The following CORO2A variants were observed in gnomAD, a reference collection of about 807,000 sequenced individuals.
The protein encoded by CORO2A is coronin 2A, also known as coronin-2A.
In CORO2A, 47 loss-of-function variants were observed where a neutral mutation model predicts 62.4. The ratio of observed to expected loss-of-function variants is 0.75; its 90% CI spans 0.60 to 0.96. The LOEUF (loss-of-function observed/expected upper bound fraction) is 0.96, where lower values mean the gene tolerates loss of function less well. Ranked by LOEUF, CORO2A falls within the 40% of genes least tolerant of loss-of-function variation. The probability of loss-of-function intolerance (pLI) is 0.00; values close to 1 mark genes in which losing one functional copy is unlikely to be tolerated. For synonymous variants in CORO2A, 273 were observed against 268.9 expected (o/e 1.02, Z -0.15); for missense variants, 610 against 684.1 (o/e 0.89, Z 1.21).
rs777631086 is a variant in CORO2A, at chr9:98,157,624, G to T, written c.37C>A (p.Arg13Ser). 7.4e-6 allele frequency: 12 copies of T among 1,613,806 alleles called. No homozygotes were observed. The East Asian group carries it at 2.2e-4, about 30-fold the overall frequency. ...WHPQYRSSKF[R>S]HVFGKPASKE... ...CTGGCTGGTTTGCCAAAGACATGAC[G>T]GAACTTGGAGCTCCGGTACTGGGGG... Residue 13 changes from arginine (R) to serine (S), a missense_variant, in exon 2 of 12, where the codon CGT (arginine) becomes AGT (serine). Arg to Ser is a moderately radical substitution (Grantham distance 110). Transcript: ENST00000375077.
intron 5 of CORO2A, 80 bp from the exon 6 acceptor site, chr9:98,132,381 C>A: frequency 8.8e-7 from 1 of 1,136,876 alleles, no homozygotes; most frequent in Non-Finnish European, 1.3e-6. Flanking sequence ...CCCTGCTTTG[C>A]TTATGCCACC....
At chr9:98,125,796 C>T (rs1827308617) in intron 11 of CORO2A, among the ~76,000 whole-genome samples, 1 of 143,644 alleles carries the variant, frequency 7.0e-6, no homozygotes, top group South Asian at 2.3e-4. Context: ...TGGCTCACTG[C>T]AGCCTCTGCC....
intron 1 of CORO2A, among the ~76,000 whole-genome samples, chr9:98,170,170 C>T (rs548702101): frequency 6.6e-6 from 1 of 152,350 alleles, no homozygotes; most frequent in Admixed American, 6.5e-5. Flanking sequence ...CCCCTCGTCT[C>T]CTTTCCTGCC....
chr9:98,158,545 G>T (rs1355764058), intron 1 of CORO2A, among the ~76,000 whole-genome samples: 2 of 152,120 alleles, frequency 1.3e-5, no homozygotes, highest in Admixed American at 1.3e-4. Flanking sequence ...GAAACAGTAG[G>T]CCTGAGCCCA....
At chr9:98,171,436 T>C (rs1445851449) in intron 1 of CORO2A, among the ~76,000 whole-genome samples, 1 of 152,174 alleles carries the variant, frequency 6.6e-6, no homozygotes, top group Non-Finnish European at 1.5e-5. Context: ...CCTGATGCCA[T>C]GCTGGGCACT....
intron 1 of CORO2A, among the ~76,000 whole-genome samples, chr9:98,181,835 A>G (rs1272184253): frequency 1.3e-5 from 2 of 152,026 alleles, no homozygotes; most frequent in African/African-American, 4.8e-5. Context: ...TTTCATCTCC[A>G]AAGGAAAACT....
At chr9:98,148,472 G>T (rs547862752) in intron 2 of CORO2A, among the ~76,000 whole-genome samples, 1 of 151,616 alleles carries the variant, frequency 6.6e-6, no homozygotes, top group Non-Finnish European at 1.5e-5. Flanking sequence ...TTGAGGCCAG[G>T]TGCAGTGGCT....
At chr9:98,133,265 G>C (rs777211913) in intron 4 of CORO2A, 48 bp from the exon 5 acceptor site, 5 of 1,580,044 alleles carry the variant, frequency 3.2e-6, no homozygotes, top group Non-Finnish European at 4.3e-6. Context: ...CCTTGCCCCT[G>C]GGCCTCATAG....
intron 1 of CORO2A, among the ~76,000 whole-genome samples, chr9:98,162,049 C>T (rs766591614): frequency 2.6e-5 from 4 of 152,288 alleles, no homozygotes; most frequent in East Asian, 1.9e-4. Flanking sequence ...AGCTGCCAGG[C>T]GCCATTCCAA....
rs61422672 is a variant in CORO2A at position 98,154,329 on chromosome 9, GTA to G, written c.201+3129_201+3130del. ...TAGAGTCTTTCTTATGTGTTTGTGT[GTA>G]TATATATATATATATATATATACAC... On this transcript the variant is annotated intron_variant, in intron 2 of 11. Coordinates refer to ENST00000375077, the MANE Select transcript of CORO2A (RefSeq NM_052820.4). Among the ~76,000 whole-genome samples, 95 of 88,876 alleles carry G rather than the reference GTA, an allele frequency of 1.1e-3. 3 individuals carry two copies. The highest frequency in any genetic ancestry group is 0.011 in the East Asian group (30 of 2,830). The allele number at this position is 88,876 out of a possible 152,430, so 58.3% of individuals were successfully genotyped here. A position where few individuals can be genotyped will look rare whatever the true frequency, so the allele number is the denominator to read the frequency against.
chr9:98,127,239 G>C (rs1827334535), intron 10 of CORO2A, among the ~76,000 whole-genome samples: 1 of 152,176 alleles, frequency 6.6e-6, no homozygotes, highest in Non-Finnish European at 1.5e-5. Context: ...TGAGGCCCAG[G>C]GAGCAAAACC....
intron 1 of CORO2A, chr9:98,172,492 T>C (rs1588012052): frequency 1.2e-5 from 1 of 83,930 alleles, no homozygotes; most frequent in African/African-American, 4.6e-5. Flanking sequence ...CACACCCCAC[T>C]TCCAAGCTCA....
rs1827464176 is a variant in CORO2A at position 98,134,897 on chromosome 9, T to C, written c.377A>G (p.Lys126Arg). ...TCTGCGCGCGTGGCCCACGAGTTCC[T>C]TCCTGTAGGCCGTGAGGTTCCTGGT... ...LLTRNLTAYR[K>R]ELVGHARRVG... The change falls in exon 4 of 12, where the codon AAG becomes AGG. Residue 126 changes from lysine (K) to arginine (R), a missense_variant. Physicochemically the swap from Lys to Arg is conservative, Grantham distance 26. Transcript: ENST00000375077. The C allele has an allele frequency of 6.2e-7, 1 of 1,614,172 alleles. No individual in the cohort carries two copies. The highest frequency in any genetic ancestry group is 2.2e-5 in the East Asian group (1 of 44,884).
Position 98,151,056 on chromosome 9 carries a change from T to A in CORO2A, c.201+6404A>T, listed in dbSNP as rs115910572. Among the ~76,000 whole-genome samples the A allele has an allele frequency of 1.7e-3, 258 of 152,320 alleles. 1 individual carries two copies. Among genetic ancestry groups the A allele is most frequent in the African/African-American group, 6.0e-3 (249 of 41,564 alleles). ...TGAACATTCTATATACAGTTGCACC[T>A]CCATGCCTTTGCTTGTGCCCTTCCC... On this transcript the variant is annotated intron_variant, in intron 2 of 11. Coordinates refer to ENST00000375077, the MANE Select transcript of CORO2A (RefSeq NM_052820.4).
rs1310071949 is a variant in CORO2A, at chr9:98,124,370, G to T, written c.*404C>A. On this transcript the variant is annotated 3_prime_UTR_variant, in exon 12 of 12. Transcript: ENST00000375077. ...TCCGCCCACCTCAGCCTCCCAGAGT[G>T]CTGGGATTACAGGCATGAGCCACTG... The T allele has an allele frequency of 6.5e-6, 1 of 153,728 alleles. No individual in the cohort carries two copies. Among genetic ancestry groups the T allele is most frequent in the Non-Finnish European group, 1.4e-5 (1 of 69,214 alleles). 9.5% of individuals were successfully genotyped at this position (153,728 alleles called of 1,614,324 possible).
intron 1 of CORO2A, among the ~76,000 whole-genome samples, chr9:98,191,261 AG>A (rs146887170): frequency 0.24 from 35,783 of 152,114 alleles, 4,285 homozygotes; most frequent in African/African-American, 0.25. Context: ...GACGGTCCCC[AG>A]GAGGGGCAGG....
At chr9:98,153,827 C>G (rs902501090) in intron 2 of CORO2A, among the ~76,000 whole-genome samples, 5 of 152,048 alleles carry the variant, frequency 3.3e-5, no homozygotes, top group African/African-American at 9.7e-5. Flanking sequence ...TTTTAAAATG[C>G]TGTTTACTAT....
chr9:98,153,430 T>G (rs1262421684), intron 2 of CORO2A, among the ~76,000 whole-genome samples: 2 of 136,966 alleles, frequency 1.5e-5, no homozygotes, highest in East Asian at 4.4e-4. Flanking sequence ...TTTTAAGAGA[T>G]GGGGTCTTAT....
intron 11 of CORO2A, among the ~76,000 whole-genome samples, chr9:98,126,308 A>G (rs957172515): frequency 8.5e-5 from 13 of 152,158 alleles, no homozygotes; most frequent in Non-Finnish European, 1.6e-4. Context: ...TGCTGGGATT[A>G]CAAGAGTGAG....
Sources: gnomAD v4.1 joint callset for allele counts (sites outside exome capture counted in the v4.1 genomes callset) on GRCh38, gnomAD v4.1.1 for gene constraint, MANE v1.5 for transcripts, NCBI Gene and HGNC (gene_info 2026-07-23, HGNC 2026-07-21) for gene names.